The following PTTG1IP2 variants were observed in gnomAD, a reference collection of about 807,000 sequenced individuals.
The protein encoded by PTTG1IP2 is PTTG1IP family member 2.
chr7:90,470,024 T>C (rs1036400276), intron 1 of PTTG1IP2, 93 bp downstream of exon 1: 2 of 152,632 alleles, frequency 1.3e-5, no homozygotes, highest in African/African-American at 2.4e-5. Flanking sequence ...GGAATTTTCA[T>C]CTCAAAAGTT....
At chr7:90,470,654 G>A (rs1797673694) in intron 1 of PTTG1IP2, among the ~76,000 whole-genome samples, 1 of 152,170 alleles carries the variant, frequency 6.6e-6, no homozygotes, top group African/African-American at 2.4e-5. Flanking sequence ...ACAGTTCTCA[G>A]CGTTGCACTG....
intron 4 of PTTG1IP2, among the ~76,000 whole-genome samples, chr7:90,490,434 GAA>G (rs74273143): frequency 0.15 from 19,057 of 128,928 alleles, 1,436 homozygotes; most frequent in Middle Eastern, 0.35. Context: ...AGTGCTTGCA[GAA>G]AAAAAAAAAA....
intron 1 of PTTG1IP2, among the ~76,000 whole-genome samples, chr7:90,471,864 C>G (rs17863121): frequency 1.2e-4 from 18 of 152,208 alleles, no homozygotes; most frequent in Non-Finnish European, 2.4e-4. Context: ...CAGGTTCCTG[C>G]GTTACAAGCT....
chr7:90,489,688 A>G (rs1258302991), intron 4 of PTTG1IP2, among the ~76,000 whole-genome samples: 1 of 151,910 alleles, frequency 6.6e-6, no homozygotes, highest in East Asian at 1.9e-4. Flanking sequence ...TTAACTACTA[A>G]AAAGGATAAC....
intron 2 of PTTG1IP2, among the ~76,000 whole-genome samples, chr7:90,484,809 C>G (rs558599091): frequency 1.6e-4 from 25 of 152,272 alleles, no homozygotes; most frequent in Admixed American, 1.4e-3. Context: ...CAAAGGATGT[C>G]TTTCTCATTT....
chr7:90,497,713 TATAAAAAAA>T (rs1235935491), intron 6 of PTTG1IP2, among the ~76,000 whole-genome samples: 7 of 49,600 alleles, frequency 1.4e-4, no homozygotes, highest in South Asian at 1.0e-3. Context: ...AAAGACCCTG[TATAAAAAAA>T]AAAAAAAAAA....
intron 6 of PTTG1IP2, among the ~76,000 whole-genome samples, chr7:90,509,960 G>A (rs936473646): frequency 3.3e-5 from 5 of 152,224 alleles, no homozygotes; most frequent in African/African-American, 7.2e-5. Flanking sequence ...TATAGTAGCT[G>A]AAAATAGATT....
chr7:90,497,424 C>T (rs949499658), intron 6 of PTTG1IP2, among the ~76,000 whole-genome samples: 2 of 151,766 alleles, frequency 1.3e-5, no homozygotes, highest in African/African-American at 2.4e-5. Context: ...ATTAGCCGGG[C>T]GTGGCGGCGG....
At chr7:90,508,630 G>C (rs1481858707) in intron 6 of PTTG1IP2, among the ~76,000 whole-genome samples, 3 of 152,172 alleles carry the variant, frequency 2.0e-5, no homozygotes, top group Non-Finnish European at 4.4e-5. Context: ...CACTTTTTGG[G>C]CATTTATAAT....
chr7:90,474,769 A>G (rs1453195822), intron 1 of PTTG1IP2, among the ~76,000 whole-genome samples: 1 of 152,196 alleles, frequency 6.6e-6, no homozygotes, highest in Non-Finnish European at 1.5e-5. Flanking sequence ...ATATACATAC[A>G]CCTAAATCTT....
intron 6 of PTTG1IP2, among the ~76,000 whole-genome samples, chr7:90,499,545 T>C (rs1295332635): frequency 2.6e-5 from 4 of 152,264 alleles, no homozygotes; most frequent in East Asian, 1.9e-4. Flanking sequence ...AAAGGTACAA[T>C]TTTAAATGCT....
At chr7:90,488,450 C>T (rs1186884533) in intron 3 of PTTG1IP2, among the ~76,000 whole-genome samples, 1 of 152,132 alleles carries the variant, frequency 6.6e-6, no homozygotes, top group East Asian at 1.9e-4. Context: ...TTGCAGCAAG[C>T]ATTGGTTGTC....
intron 6 of PTTG1IP2, among the ~76,000 whole-genome samples, chr7:90,497,573 A>AG: frequency 6.8e-6 from 1 of 147,334 alleles, no homozygotes; most frequent in East Asian, 2.1e-4. Context: ...CAAAAAAAAA[A>AG]AAAAAAAAAA....
At chr7:90,509,113 CTTT>C (rs34626171) in intron 6 of PTTG1IP2, among the ~76,000 whole-genome samples, 3 of 136,550 alleles carry the variant, frequency 2.2e-5, no homozygotes, top group Admixed American at 7.3e-5. Flanking sequence ...AATGTGAAGG[CTTT>C]TTTTTTTTTT....
At chr7:90,497,472 G>C (rs1344394391) in intron 6 of PTTG1IP2, among the ~76,000 whole-genome samples, 1 of 150,452 alleles carries the variant, frequency 6.6e-6, no homozygotes, top group South Asian at 2.1e-4. Context: ...GCTGAGGAGG[G>C]AGAATGGCGT....
intron 5 of PTTG1IP2, 74 bp from the exon 6 acceptor site, chr7:90,494,293 A>G (rs1342691322): frequency 6.6e-6 from 1 of 152,222 alleles, no homozygotes; most frequent in Non-Finnish European, 1.5e-5. Flanking sequence ...TTAACATTTT[A>G]AAAATTACGT....
intron 5 of PTTG1IP2, among the ~76,000 whole-genome samples, chr7:90,492,756 C>T (rs756740164): frequency 2.6e-5 from 4 of 152,290 alleles, no homozygotes; most frequent in South Asian, 2.1e-4. Flanking sequence ...TACCCCAACT[C>T]GCACTCCACA....
chr7:90,472,653 C>A (rs954865886), intron 1 of PTTG1IP2, among the ~76,000 whole-genome samples: 1 of 152,130 alleles, frequency 6.6e-6, no homozygotes, highest in Non-Finnish European at 1.5e-5. Context: ...TGTCCTCTAG[C>A]CTAGGGGGTA....
intron 6 of PTTG1IP2, among the ~76,000 whole-genome samples, chr7:90,498,145 C>A (rs941023876): frequency 2.0e-5 from 3 of 152,208 alleles, no homozygotes; most frequent in African/African-American, 7.2e-5. Flanking sequence ...CCTGCCTCAG[C>A]CTCCCGAGTA....
Sources: allele counts gnomAD v4.1 joint callset (sites outside exome capture counted in the v4.1 genomes callset), GRCh38; gene constraint gnomAD v4.1.1; transcripts MANE v1.5; gene names NCBI Gene and HGNC (gene_info 2026-07-23, HGNC 2026-07-21).